The following NKAIN2 variants were observed in gnomAD, a reference collection of about 807,000 sequenced individuals.
NKAIN2 encodes the protein sodium/potassium transporting ATPase interacting 2, also known as sodium/potassium-transporting ATPase subunit beta-1-interacting protein 2.
Under a neutral mutation model 32.6 loss-of-function variants are expected in NKAIN2, and 14 were observed. That is an observed-to-expected ratio of 0.43 (90% CI 0.28 to 0.67). The LOEUF (loss-of-function observed/expected upper bound fraction) is 0.67, where lower values mean the gene tolerates loss of function less well. Ranked by LOEUF, NKAIN2 falls within the 30% of genes least tolerant of loss-of-function variation. The probability of loss-of-function intolerance (pLI) is 0.17; values close to 1 mark genes in which losing one functional copy is unlikely to be tolerated. For synonymous variants in NKAIN2, 80 were observed against 87.2 expected (o/e 0.92, Z 0.46); for missense variants, 198 against 258.3 (o/e 0.77, Z 1.60).
chr6:124,115,496 GA>G (rs912123268), intron 1 of NKAIN2, among the ~76,000 whole-genome samples: 10 of 151,110 alleles, frequency 6.6e-5, no homozygotes, highest in Non-Finnish European at 1.0e-4. Flanking sequence ...TTTCCCTTGA[GA>G]AAAAAAAATT....
At chr6:124,546,932 T>C (rs534438949) in intron 3 of NKAIN2, among the ~76,000 whole-genome samples, 51 of 152,190 alleles carry the variant, frequency 3.4e-4, no homozygotes, top group Non-Finnish European at 4.8e-4. Context: ...ACAGTCCTGA[T>C]ACGTTGAGCA....
At chr6:124,718,593 C>A (rs962241749) in intron 4 of NKAIN2, among the ~76,000 whole-genome samples, 1 of 151,890 alleles carries the variant, frequency 6.6e-6, no homozygotes, top group South Asian at 2.1e-4. Flanking sequence ...ATTAATATTC[C>A]CCATAGAATT....
At chr6:123,911,825 A>ATATG (rs1775221619) in intron 1 of NKAIN2, among the ~76,000 whole-genome samples, 1 of 136,500 alleles carries the variant, frequency 7.3e-6, no homozygotes. Flanking sequence ...ACACACACAC[A>ATATG]CACACACACA....
At chr6:124,023,715 A>G (rs950881697) in intron 1 of NKAIN2, among the ~76,000 whole-genome samples, 4 of 152,196 alleles carry the variant, frequency 2.6e-5, no homozygotes, top group African/African-American at 9.6e-5. Context: ...GCTAAAATAC[A>G]TCTGAATTTT....
chr6:124,671,943 T>G (rs909628640), intron 4 of NKAIN2, among the ~76,000 whole-genome samples: 8 of 151,944 alleles, frequency 5.3e-5, no homozygotes, highest in Non-Finnish European at 1.2e-4. Flanking sequence ...GCAGTTAGCT[T>G]TAATATTAGA....
Position 124,367,719 on chromosome 6 carries a change from G to T in NKAIN2, c.273+12372G>T, listed in dbSNP as rs930240901. Among the ~76,000 whole-genome samples the T allele has an allele frequency of 5.3e-5, 8 of 152,170 alleles. 1 individual carries two copies. In the South Asian group the frequency reaches 1.7e-3, roughly 32 times the overall value. ...GACATAGGGCACAAGGTGAGTTCTT[G>T]ATTTCTGGCCATCCTTTGAATCAGA... On this transcript the variant is annotated intron_variant, in intron 3 of 6. Coordinates refer to ENST00000368417, the MANE Select transcript of NKAIN2 (RefSeq NM_001040214.3).
chr6:124,443,820 C>T (rs561848137), intron 3 of NKAIN2, among the ~76,000 whole-genome samples: 1 of 152,158 alleles, frequency 6.6e-6, no homozygotes, highest in South Asian at 2.1e-4. Context: ...ACTTCCCTTA[C>T]AAGATCTTTG....
intron 1 of NKAIN2, among the ~76,000 whole-genome samples, chr6:124,153,557 A>G (rs1448203913): frequency 6.6e-6 from 1 of 151,612 alleles, no homozygotes; most frequent in Non-Finnish European, 1.5e-5. Flanking sequence ...GCATTTTGTA[A>G]TTTTCAGTGT....
intron 4 of NKAIN2, among the ~76,000 whole-genome samples, chr6:124,723,300 C>T (rs147724019): frequency 2.0e-5 from 3 of 152,298 alleles, no homozygotes; most frequent in East Asian, 3.9e-4. Context: ...ATTTACATCA[C>T]GGTGCTGAAC....
At chr6:123,934,609 G>A (rs1776415781) in intron 1 of NKAIN2, among the ~76,000 whole-genome samples, 1 of 152,010 alleles carries the variant, frequency 6.6e-6, no homozygotes, top group South Asian at 2.1e-4. Context: ...GCTTAAAATG[G>A]CCATGCTAGG....
chr6:124,679,854 A>T (rs1307342464), intron 4 of NKAIN2, among the ~76,000 whole-genome samples: 1 of 152,178 alleles, frequency 6.6e-6, no homozygotes, highest in Non-Finnish European at 1.5e-5. Context: ...GAAAAAGTAG[A>T]AGTAGTGACC....
chr6:123,808,971 G>C (rs774236313), intron 1 of NKAIN2, among the ~76,000 whole-genome samples: 21 of 152,010 alleles, frequency 1.4e-4, no homozygotes, highest in Admixed American at 6.6e-4. Flanking sequence ...GTTGATCCTG[G>C]AAATATAAAT....
intron 1 of NKAIN2, among the ~76,000 whole-genome samples, chr6:123,937,901 T>G (rs968210466): frequency 1.3e-5 from 2 of 152,074 alleles, no homozygotes; most frequent in African/African-American, 4.8e-5. Flanking sequence ...AAGAGTTTCT[T>G]GAAGAGTGTT....
intron 1 of NKAIN2, among the ~76,000 whole-genome samples, chr6:123,827,482 T>C (rs1774195379): frequency 6.6e-6 from 1 of 152,190 alleles, no homozygotes; most frequent in African/African-American, 2.4e-5. Flanking sequence ...TGATAGATTT[T>C]GTTTTTATTA....
At chr6:123,931,911 C>G (rs1776268092) in intron 1 of NKAIN2, among the ~76,000 whole-genome samples, 1 of 152,146 alleles carries the variant, frequency 6.6e-6, no homozygotes, top group Non-Finnish European at 1.5e-5. Context: ...TTGAAACTCT[C>G]TAGTTTGACA....
chr6:124,521,744 G>A (rs1206601675), intron 3 of NKAIN2, among the ~76,000 whole-genome samples: 1 of 152,104 alleles, frequency 6.6e-6, no homozygotes, highest in African/African-American at 2.4e-5. Context: ...AATATTTGGG[G>A]CATGTGCTCT....
chr6:124,135,419 A>AG (rs1163381451), intron 1 of NKAIN2, among the ~76,000 whole-genome samples: 2 of 151,810 alleles, frequency 1.3e-5, no homozygotes, highest in Non-Finnish European at 2.9e-5. Context: ...CTTAAGGTAA[A>AG]GGGGTGGAAA....
chr6:123,999,755 G>A (rs1970868), intron 1 of NKAIN2, among the ~76,000 whole-genome samples: 68,970 of 151,786 alleles, frequency 0.45, 16,716 homozygotes, highest in African/African-American at 0.61. Flanking sequence ...CATTTCCTGC[G>A]GGGAATGAGA....
intron 4 of NKAIN2, among the ~76,000 whole-genome samples, chr6:124,725,999 C>G (rs572431493): frequency 6.6e-6 from 1 of 152,162 alleles, no homozygotes; most frequent in South Asian, 2.1e-4. Flanking sequence ...GCTTTTCCGA[C>G]GGGCTTAAAA....
Sources: allele counts gnomAD v4.1 joint callset (sites outside exome capture counted in the v4.1 genomes callset), GRCh38; gene constraint gnomAD v4.1.1; transcripts MANE v1.5; gene names NCBI Gene and HGNC (gene_info 2026-07-23, HGNC 2026-07-21).